Variants in SYT9 observed in about 807,000 individuals in gnomAD.
The protein encoded by SYT9 is synaptotagmin-9.
Under a neutral mutation model 48.4 loss-of-function variants are expected in SYT9, and 22 were observed. That is an observed-to-expected ratio of 0.45 (90% CI 0.32 to 0.65). SYT9 has a LOEUF of 0.65. Ranked by LOEUF, SYT9 falls within the 30% of genes least tolerant of loss-of-function variation. The pLI is 0.03. For synonymous variants in SYT9, 265 were observed against 245.0 expected, an observed-to-expected ratio of 1.08 and a Z score of -0.76; for missense variants, 577 against 622.0, an observed-to-expected ratio of 0.93 and a Z score of 0.77.
At position 7,252,128 on chromosome 11, in the gene SYT9, G is replaced by A. The variant is rs921284046; in HGVS notation, c.-59G>A. On this transcript the variant is annotated 5_prime_UTR_variant, in exon 1 of 7. Transcript: ENST00000318881. This position sits in a 1 kb window ranked among gnomAD's most constrained non-coding sequence, Gnocchi z 6.3. ...CGGAGGCGGCGGCTCTGAGCTGGCAGGCGGAGGGCTGTCTCCTGCGCCCGC... is the reference window on the plus strand; with the variant it reads ...CGGAGGCGGCGGCTCTGAGCTGGCAAGCGGAGGGCTGTCTCCTGCGCCCGC... The A allele has an allele frequency of 2.2e-6, 3 of 1,349,540 alleles. No homozygotes were observed. Among genetic ancestry groups the A allele is most frequent in the Non-Finnish European group, 2.8e-6 (3 of 1,055,806 alleles). 83.6% of individuals were successfully genotyped at this position (1,349,540 alleles called of 1,614,324 possible).
intron 1 of SYT9, among the ~76,000 whole-genome samples, chr11:7,268,782 A>T (rs905296375): frequency 6.6e-6 from 1 of 152,094 alleles, no homozygotes; most frequent in Non-Finnish European, 1.5e-5. Flanking sequence ...AAAGTGTACA[A>T]TGGAATTATT....
At chr11:7,440,890 A>G (rs1468262137) in intron 6 of SYT9, 2 of 152,246 alleles carry the variant, frequency 1.3e-5, no homozygotes, top group African/African-American at 4.8e-5. Flanking sequence ...AGGAAGAGTA[A>G]GACAACACAA....
intron 3 of SYT9, among the ~76,000 whole-genome samples, chr11:7,375,990 A>C (rs572345514): frequency 4.0e-4 from 60 of 151,896 alleles, no homozygotes; most frequent in South Asian, 6.2e-4. Flanking sequence ...TTAAAATTTT[A>C]TTTCTTTCTG....
At chr11:7,299,853 A>G (rs546501310) in intron 1 of SYT9, among the ~76,000 whole-genome samples, 3 of 152,292 alleles carry the variant, frequency 2.0e-5, no homozygotes, top group South Asian at 2.1e-4. Context: ...CAGGGGTCCT[A>G]TGGTTACTAG....
chr11:7,354,080 A>C (rs2134007037), intron 3 of SYT9, among the ~76,000 whole-genome samples: 1 of 152,338 alleles, frequency 6.6e-6, no homozygotes, highest in African/African-American at 2.4e-5. Context: ...TAATGATTTG[A>C]TTGGAATTAA....
At chr11:7,258,581 G>A (rs1325921198) in intron 1 of SYT9, among the ~76,000 whole-genome samples, 1 of 152,016 alleles carries the variant, frequency 6.6e-6, no homozygotes, top group Non-Finnish European at 1.5e-5. Flanking sequence ...AATCTTCTAG[G>A]ACATCAAGAT....
intron 1 of SYT9, among the ~76,000 whole-genome samples, chr11:7,274,129 T>C (rs2133891246): frequency 6.6e-6 from 1 of 152,326 alleles, no homozygotes; most frequent in East Asian, 1.9e-4. Flanking sequence ...AGATAAAGTC[T>C]TGTGACAAGT....
intron 1 of SYT9, among the ~76,000 whole-genome samples, chr11:7,268,787 A>G (rs568461781): frequency 1.4e-4 from 21 of 152,140 alleles, no homozygotes; most frequent in Admixed American, 7.9e-4. Flanking sequence ...GTACAATGGA[A>G]TTATTTTTTA....
chr11:7,446,700 G>A (rs1013747340), intron 6 of SYT9, among the ~76,000 whole-genome samples: 5 of 152,214 alleles, frequency 3.3e-5, no homozygotes, highest in South Asian at 2.1e-4. Flanking sequence ...GAAGCAGGAG[G>A]GGATGCCCAC....
chr11:7,402,905 T>C (rs1421393888), intron 3 of SYT9, among the ~76,000 whole-genome samples: 1 of 152,190 alleles, frequency 6.6e-6, no homozygotes, highest in Non-Finnish European at 1.5e-5. Flanking sequence ...TTCTCTTGGA[T>C]TGAGCACTTT....
At chr11:7,269,571 GT>G (rs1848257558) in intron 1 of SYT9, among the ~76,000 whole-genome samples, 1 of 152,032 alleles carries the variant, frequency 6.6e-6, no homozygotes, top group African/African-American at 2.4e-5. Flanking sequence ...CAAATTCAAA[GT>G]CACATCATGG....
intron 3 of SYT9, among the ~76,000 whole-genome samples, chr11:7,389,392 T>C (rs1850720298): frequency 6.6e-6 from 1 of 152,108 alleles, no homozygotes; most frequent in South Asian, 2.1e-4. Flanking sequence ...AATATACAAG[T>C]AGTATTAAAG....
chr11:7,238,854 A>G (rs1362155169), exon 1 of SYT9: 4 of 456,042 alleles, frequency 8.8e-6, no homozygotes, highest in Non-Finnish European at 1.8e-5. Flanking sequence ...AGAAGCCAGT[A>G]ATGCAGAGAA....
chr11:7,301,630 A>C (rs893387154), intron 1 of SYT9, among the ~76,000 whole-genome samples: 1 of 152,212 alleles, frequency 6.6e-6, no homozygotes, highest in Non-Finnish European at 1.5e-5. Flanking sequence ...GCGTGCGCCT[A>C]TCATGTTCCT....
intron 6 of SYT9, among the ~76,000 whole-genome samples, chr11:7,422,564 G>A (rs548453963): frequency 1.3e-5 from 2 of 152,276 alleles, no homozygotes; most frequent in South Asian, 2.1e-4. Flanking sequence ...TAGAAGAGTT[G>A]TAATAGACTT....
intron 3 of SYT9, among the ~76,000 whole-genome samples, chr11:7,360,110 T>C (rs1850103157): frequency 6.6e-6 from 1 of 152,154 alleles, no homozygotes; most frequent in East Asian, 1.9e-4. Context: ...AAATAGGGAA[T>C]CCTTTCCCCA....
upstream of SYT9, among the ~76,000 whole-genome samples, chr11:7,250,302 C>T (rs934243484): frequency 6.6e-6 from 1 of 151,848 alleles, no homozygotes; most frequent in African/African-American, 2.4e-5. Context: ...CTGGTTTAGG[C>T]CTTCATCATC....
rs575771375 is a variant in SYT9, at chr11:7,442,668, C to T, written c.1467+22033C>T. On this transcript the variant is annotated intron_variant, in intron 6 of 6. Coordinates refer to ENST00000318881, the MANE Select transcript of SYT9 (RefSeq NM_175733.4). The stretch of plus-strand genomic sequence containing the variant: ...TCTCCAGTCCTGGGGCTCTCAATAT[C>T]TCCAAATACTCACATGGGTAATGGG... Among the ~76,000 whole-genome samples the T allele has an allele frequency of 8.8e-4, 134 of 152,296 alleles. 3 individuals are homozygous for T. The Middle Eastern group carries it at 0.014, about 15-fold the overall frequency.
At chr11:7,312,782 A>G (rs1291920121) in intron 2 of SYT9, among the ~76,000 whole-genome samples, 2 of 152,328 alleles carry the variant, frequency 1.3e-5, no homozygotes, top group Admixed American at 6.5e-5. Flanking sequence ...CAAAAGCACA[A>G]TCCCAATTAT....
Sources: allele counts gnomAD v4.1 joint callset (sites outside exome capture counted in the v4.1 genomes callset), GRCh38; gene constraint gnomAD v4.1.1; non-coding constraint Gnocchi (gnomAD v3.1); transcripts MANE v1.5; gene names NCBI Gene and HGNC (gene_info 2026-07-23, HGNC 2026-07-21).